TTN: variants seen among roughly 807,000 people sequenced by gnomAD.
TTN encodes the protein connectin.
In TTN, 1,525 loss-of-function variants were observed where a neutral mutation model predicts 3,223.0. The ratio of observed to expected loss-of-function variants is 0.47; its 90% CI spans 0.45 to 0.49. The LOEUF (loss-of-function observed/expected upper bound fraction) is 0.49. Ranked by LOEUF, TTN falls within the 20% of genes least tolerant of loss-of-function variation. TTN has a pLI of 0.00. For missense variants in TTN, 40,786 were observed against 43,424.0 expected (o/e 0.94, Z 5.40); for synonymous variants, 14,094 against 15,161.0 (o/e 0.93, Z 5.17).
chr2:178,751,856 A>T (rs2085622718), intron 47 of TTN: 1 of 1,610,194 alleles, frequency 6.2e-7, no homozygotes, highest in South Asian at 1.1e-5. Context: ...ACCCTCTAAA[A>T]CATATTTAAA....
chr2:178,654,221 G>T lies in TTN; in HGVS notation c.38367C>A (p.Ala12789=). The T allele has an allele frequency of 6.3e-7, 1 of 1,597,226 alleles. No homozygotes were observed. Among genetic ancestry groups the T allele is most frequent in the Non-Finnish European group, 8.5e-7 (1 of 1,177,906 alleles). The change falls in exon 193 of 363, where the codon GCC becomes GCA. Residue 12789 remains alanine, a synonymous_variant. Transcript: ENST00000589042. ...VSVAVPKKPE[A]PRAKVPEAAQ... ...GGGAATAAATACCTTTTGCACGTGG[G>T]GCTTCCGGTTTTTTGGGCACAGCCA...
At position 178,599,250 on chromosome 2, in the gene TTN, T is replaced by C. The variant is rs879138127; in HGVS notation, c.56543A>G (p.Lys18848Arg). ...EPKECTYTIPKLLEGHEYVFR... is the reference protein window; with the variant it reads ...EPKECTYTIPRLLEGHEYVFR... ...TACATATTCATGGCCTTCTAGCAAT[T>C]TGGGAATCGTGTACGTGCACTCCTT... The change falls in exon 290 of 363, where the codon AAA (lysine) becomes AGA (arginine). Residue 18848 changes from lysine to arginine, a missense_variant. Transcript: ENST00000589042. 6.4e-7 allele frequency: 1 copy of C among 1,559,012 alleles called. No individual in the cohort carries two copies. The highest frequency in any genetic ancestry group is 1.4e-5 in the African/African-American group (1 of 72,550).
At position 178,719,227 on chromosome 2, in the gene TTN, A is replaced by G. The variant is rs1160062455; in HGVS notation, c.24163T>C (p.Tyr8055His). 5 of 1,613,676 alleles carry G rather than the reference A, an allele frequency of 3.1e-6. No homozygotes were observed. The highest frequency in any genetic ancestry group is 4.2e-6 in the Non-Finnish European group (5 of 1,179,764). The change falls in exon 83 of 363, where the codon TAC (tyrosine) becomes CAC (histidine). Residue 8055 changes from tyrosine (Y) to histidine (H), a missense_variant. Tyr to His is a moderately conservative substitution (Grantham distance 83). Transcript: ENST00000589042. ...SLLEPSDTGI[Y>H]TCVAANVAGS... is the part of the protein sequence containing the mutation. Reference sequence around the variant, plus strand: ...GCTACATTGGCAGCCACACACGTGTATATGCCTGTGTCGGAGGGCTCCAAC... The same window carrying G: ...GCTACATTGGCAGCCACACACGTGTGTATGCCTGTGTCGGAGGGCTCCAAC...
At chr2:178,799,098 G>A in intron 6 of TTN, 1 of 211,476 alleles carries the variant, frequency 4.7e-6, no homozygotes, top group Non-Finnish European at 9.7e-6. Flanking sequence ...ACTTACACGG[G>A]AGGAGGGCAG....
rs1296831661 is a variant in TTN, at chr2:178,549,058, A to G, written c.92568T>C (p.Tyr30856=). ...VFDGGMEIIG[Y]IIEMCKADLG... Reference sequence around the variant, plus strand: ...AGTCGGCCTTACACATTTCAATAATATACCCAATTATTTCCATGCCACCAT... The same window carrying G: ...AGTCGGCCTTACACATTTCAATAATGTACCCAATTATTTCCATGCCACCAT... Residue 30856 remains tyrosine (Y), a synonymous_variant, in exon 339 of 363, where the codon TAT becomes TAC. Transcript: ENST00000589042. 10 of 1,613,748 alleles carry G rather than the reference A, an allele frequency of 6.2e-6. No individual in the cohort carries two copies. Among genetic ancestry groups the G allele is most frequent in the African/African-American group, 5.3e-5 (4 of 74,904 alleles).
intron 94 of TTN, 46 bp downstream of exon 94, chr2:178,712,651 C>T (rs2076829599): frequency 1.2e-6 from 2 of 1,606,154 alleles, no homozygotes; most frequent in Admixed American, 1.7e-5. Context: ...GACAAAGACA[C>T]ATCTAATTAC....
At chr2:178,677,478 C>G (rs1216304012) in intron 146 of TTN, 143 bp downstream of exon 146, 28 of 863,648 alleles carry the variant, frequency 3.2e-5, no homozygotes, top group Non-Finnish European at 4.7e-5. Flanking sequence ...TAAGAACACA[C>G]ATGTCTGGAA....
At chr2:178,702,376 A>C (rs1349508078) in intron 107 of TTN, 78 bp downstream of exon 107, 2 of 1,602,952 alleles carry the variant, frequency 1.2e-6, no homozygotes, top group African/African-American at 2.7e-5. Flanking sequence ...TGAGAGCATG[A>C]GCGCATACAG....
At chr2:178,609,108 T>G in intron 273 of TTN, 100 bp downstream of exon 273, 1 of 1,353,986 alleles carries the variant, frequency 7.4e-7, no homozygotes, top group Non-Finnish European at 9.7e-7. Context: ...GATAACTTGC[T>G]GAAGCTATGT....
At position 178,770,280 on chromosome 2, in the gene TTN, C is replaced by T. The variant is rs1490843963; in HGVS notation, c.8421G>A (p.Leu2807=). ...CTTCAAAGGCAACAGTGGCATTTTC[C>T]AAGGCTGTCACATCCTTTGGCTTTT... The part of the protein sequence containing the change: ...IIKKPKDVTA[L]ENATVAFEVS... The change falls in exon 36 of 363, where the codon TTG becomes TTA. Residue 2807 remains leucine (L), a synonymous_variant. Transcript: ENST00000589042. The T allele has an allele frequency of 6.2e-7, 1 of 1,614,016 alleles. No individual in the cohort carries two copies. The highest frequency in any genetic ancestry group is 1.3e-5 in the African/African-American group (1 of 74,918).
intron 321 of TTN, 29 bp downstream of exon 321, chr2:178,578,582 A>G (rs2046986542): frequency 6.5e-7 from 1 of 1,529,752 alleles, no homozygotes; most frequent in African/African-American, 1.4e-5. Context: ...CTTGATGTAA[A>G]AGCTGTAGGA....
chr2:178,742,259 A>G (rs183635894), intron 47 of TTN, among the ~76,000 whole-genome samples: 1 of 152,230 alleles, frequency 6.6e-6, no homozygotes, highest in Admixed American at 6.5e-5. Flanking sequence ...ATAATAATCC[A>G]GCATTATTTA....
rs786205543 is a variant in TTN at position 178,685,250 on chromosome 2, T to C, written c.32470+3A>G. Reference sequence around the variant, plus strand: ...TGTTGCATTTCTTTGAAAGAAATCATACCTTTAGCCGGTGGAGGCTCCTCT... The same window carrying C: ...TGTTGCATTTCTTTGAAAGAAATCACACCTTTAGCCGGTGGAGGCTCCTCT... On this transcript the variant is annotated splice_donor_region_variant and intron_variant, in intron 129 of 362. Transcript: ENST00000589042. 1 of 1,535,630 alleles carries C rather than the reference T, an allele frequency of 6.5e-7. No homozygotes were observed. Among genetic ancestry groups the C allele is most frequent in the African/African-American group, 1.4e-5 (1 of 71,886 alleles).
rs1179983336 is a variant in TTN, at chr2:178,613,191, T to C, written c.49618A>G (p.Thr16540Ala). ...GGATCCTTTATTAAGATTGGTTCAG[T>C]TGATTTGCTTGGTTTTCCAGGTCCA... ...LAGPGKPSKS[T>A]EPILIKDPID... The change falls in exon 264 of 363, where the codon ACT (threonine) becomes GCT (alanine). Residue 16540 changes from threonine (T) to alanine (A), a missense_variant. Physicochemically the swap from Thr to Ala is moderately conservative, Grantham distance 58. Coordinates refer to ENST00000589042, the MANE Select transcript of TTN (RefSeq NM_001267550.2). 11 of 1,611,092 alleles carry C rather than the reference T, an allele frequency of 6.8e-6. No homozygotes were observed. The highest frequency in any genetic ancestry group is 9.3e-6 in the Non-Finnish European group (11 of 1,178,790).
At position 178,711,044 on chromosome 2, in the gene TTN, G is replaced by T; in HGVS notation, c.28174+18C>A. The T allele has an allele frequency of 6.4e-7, 1 of 1,556,232 alleles. No homozygotes were observed. Among genetic ancestry groups the T allele is most frequent in the Non-Finnish European group, 8.7e-7 (1 of 1,155,932 alleles). ...TAATACTTTAATTCTAGAAATGAAAGTTTAAGAATCCACAAACCTGTGAGA... is the reference window on the plus strand; with the variant it reads ...TAATACTTTAATTCTAGAAATGAAATTTTAAGAATCCACAAACCTGTGAGA... On this transcript the variant is annotated intron_variant, in intron 97 of 362. Coordinates refer to ENST00000589042, the MANE Select transcript of TTN (RefSeq NM_001267550.2).
In TTN at chr2:178,574,973, G is replaced by A; in HGVS notation, c.71159C>T (p.Thr23720Ile). ...CCCTGGGATATCATGGACTTGAATGGTGATGACATCACCAACCTCTCCTAC... is the reference window on the plus strand; with the variant it reads ...CCCTGGGATATCATGGACTTGAATGATGATGACATCACCAACCTCTCCTAC... ...NIVGEVGDVITIQVHDIPGPP... is the reference protein window; with the variant it reads ...NIVGEVGDVIIIQVHDIPGPP... Residue 23720 changes from threonine (T) to isoleucine (I), a missense_variant, in exon 326 of 363, where the codon ACC becomes ATC. Transcript: ENST00000589042. The A allele has an allele frequency of 6.2e-7, 1 of 1,613,174 alleles. No individual in the cohort carries two copies.
intron 151 of TTN, among the ~76,000 whole-genome samples, 155 bp from the exon 152 acceptor site, chr2:178,673,865 A>G (rs2067483136): frequency 6.6e-6 from 1 of 151,826 alleles, no homozygotes; most frequent in African/African-American, 2.4e-5. Flanking sequence ...GGAACCCTAG[A>G]GGTGTAAAGG....
chr2:178,614,372 GA>G (rs754485934), intron 261 of TTN, 24 bp from the exon 262 acceptor site: 66 of 1,570,866 alleles, frequency 4.2e-5, no homozygotes, highest in Admixed American at 1.9e-4. Context: ...TACAGATGCA[GA>G]AAAAAAAATT....
At position 178,792,095 on chromosome 2, in the gene TTN, G is replaced by A; in HGVS notation, c.1639C>T (p.Gln547Ter). Residue 547 changes from glutamine to a stop codon, truncating the protein, a stop_gained, in exon 10 of 363, where the codon CAG becomes TAG. Transcript: ENST00000589042. LOFTEE classifies it high-confidence loss of function. ...ACTGCTTCTTGAGTTACTTGTTTCTGTTTCTTAGTAATTTCTTCAGAAATT... is the reference window on the plus strand; with the variant it reads ...ACTGCTTCTTGAGTTACTTGTTTCTATTTCTTAGTAATTTCTTCAGAAATT... Reference protein sequence around the residue: ...TRISEEITKKQKQVTQEAIRQ... With the variant: ...TRISEEITKK 6.2e-7 allele frequency: 1 copy of A among 1,612,430 alleles called. No individual in the cohort carries two copies. The highest frequency in any genetic ancestry group is 8.5e-7 in the Non-Finnish European group (1 of 1,179,242).
Sources: allele counts gnomAD v4.1 joint callset (sites outside exome capture counted in the v4.1 genomes callset), GRCh38; gene constraint gnomAD v4.1.1; transcripts MANE v1.5; gene names NCBI Gene and HGNC (gene_info 2026-07-23, HGNC 2026-07-21).